The following NUCKS1 variants were observed in gnomAD, a reference collection of about 807,000 sequenced individuals.
NUCKS1 encodes the protein nuclear ubiquitous casein and cyclin-dependent kinase substrate 1.
In NUCKS1, 2 loss-of-function variants were observed where a neutral mutation model predicts 33.0. The ratio of observed to expected loss-of-function variants is 0.06; its 90% CI spans 0.02 to 0.19. The LOEUF (loss-of-function observed/expected upper bound fraction) is 0.19. NUCKS1 is among the 10% of genes least tolerant of loss of function. The probability of loss-of-function intolerance (pLI) is 1.00; values close to 1 mark genes in which losing one functional copy is unlikely to be tolerated. For synonymous variants in NUCKS1, 106 were observed against 102.8 expected (o/e 1.03, Z -0.19); for missense variants, 201 against 293.6 (o/e 0.68, Z 2.31).
intron 3 of NUCKS1, among the ~76,000 whole-genome samples, chr1:205,726,326 G>A (rs1013865259): frequency 6.6e-6 from 1 of 152,134 alleles, no homozygotes; most frequent in African/African-American, 2.4e-5. Flanking sequence ...AACTAGCCTG[G>A]GCAACATGGC....
At position 205,718,103 on chromosome 1, in the gene NUCKS1, AAG is replaced by A. The variant is rs1006263492; in HGVS notation, c.*175_*176del. 270 of 1,124,308 alleles carry A rather than the reference AAG, an allele frequency of 2.4e-4. No homozygotes were observed. The African/African-American group carries it at 2.7e-3, about 11-fold the overall frequency. The allele number at this position is 1,124,308 out of a possible 1,614,324, so 69.6% of individuals were successfully genotyped here. A position where few individuals can be genotyped will look rare whatever the true frequency, so the allele number is the denominator to read the frequency against. The stretch of plus-strand genomic sequence containing the variant: ...TTTGCTTTAAAAAAAAAAAAAAAAA[AAG>A]AGAGAGAGAGAGAAATGTTACTTTC... On this transcript the variant is annotated 3_prime_UTR_variant, in exon 7 of 7. Coordinates refer to ENST00000367142, the MANE Select transcript of NUCKS1 (RefSeq NM_022731.5).
intron 3 of NUCKS1, among the ~76,000 whole-genome samples, chr1:205,724,913 A>AT (rs1206274350): frequency 1.9e-4 from 29 of 152,248 alleles, no homozygotes; most frequent in African/African-American, 6.8e-4. Context: ...ACAAAGTAAA[A>AT]TAAGAAGTTA....
At chr1:205,726,225 A>C (rs1426366000) in intron 3 of NUCKS1, among the ~76,000 whole-genome samples, 3 of 151,994 alleles carry the variant, frequency 2.0e-5, no homozygotes, top group Non-Finnish European at 4.4e-5. Flanking sequence ...ACAAACAAAA[A>C]ACTGTTTTAG....
At chr1:205,734,395 A>G (rs1653985166) in intron 1 of NUCKS1, among the ~76,000 whole-genome samples, 1 of 152,222 alleles carries the variant, frequency 6.6e-6, no homozygotes, top group Admixed American at 6.5e-5. Flanking sequence ...AACAGCCAGA[A>G]TGATCTCATA....
At position 205,746,094 on chromosome 1, in the gene NUCKS1, G is replaced by A. The variant is rs191937470; in HGVS notation, c.17+3863C>T. Reference sequence around the variant, plus strand: ...GTGGATCGCCTGAGGTCAAGAGTTCGAGACCAGCCTGGCCAACATGGTGAA... The same window carrying A: ...GTGGATCGCCTGAGGTCAAGAGTTCAAGACCAGCCTGGCCAACATGGTGAA... On this transcript the variant is annotated intron_variant, in intron 1 of 6. Transcript: ENST00000367142. Among the ~76,000 whole-genome samples the A allele has an allele frequency of 2.3e-3, 349 of 152,136 alleles. 4 individuals carry two copies. The highest frequency in any genetic ancestry group is 1.6e-3 in the Non-Finnish European group (106 of 67,994).
intron 1 of NUCKS1, among the ~76,000 whole-genome samples, chr1:205,730,912 A>G (rs530587241): frequency 1.3e-5 from 2 of 152,364 alleles, no homozygotes; most frequent in Non-Finnish European, 2.9e-5. Flanking sequence ...TTTATAAGCT[A>G]AAGTTGTAAA....
In NUCKS1 at chr1:205,720,553, A is replaced by G; in HGVS notation, c.330T>C (p.Asp110=). ...CTTCTTGTTCTTCCTCACTGCCCAC[A>G]TCTTCCATGAGCATCTCTCTCTGTT... ...ASKQREMLME[D]VGSEEEQEEE... The change falls in exon 5 of 7, where the codon GAT becomes GAC. Residue 110 remains aspartate (D), a synonymous_variant. Transcript: ENST00000367142. The G allele has an allele frequency of 6.2e-7, 1 of 1,614,006 alleles. No individual in the cohort carries two copies. Among genetic ancestry groups the G allele is most frequent in the East Asian group, 2.2e-5 (1 of 44,892 alleles).
chr1:205,742,598 G>A (rs1343933977), intron 1 of NUCKS1, among the ~76,000 whole-genome samples: 1 of 152,330 alleles, frequency 6.6e-6, no homozygotes, highest in East Asian at 1.9e-4. Flanking sequence ...GCCGAGGTGG[G>A]CGGATCACAA....
chr1:205,735,064 C>T (rs1300146380), intron 1 of NUCKS1, among the ~76,000 whole-genome samples: 1 of 152,104 alleles, frequency 6.6e-6, no homozygotes, highest in Non-Finnish European at 1.5e-5. Flanking sequence ...GGACAGAAAT[C>T]CAGCATTTAA....
chr1:205,718,539 A>G (rs963304461), intron 6 of NUCKS1, 60 bp from the exon 7 acceptor site: 12 of 1,589,778 alleles, frequency 7.5e-6, no homozygotes, highest in Non-Finnish European at 1.0e-5. Context: ...AATAAAAGTC[A>G]GCTACAAAAT....
intron 5 of NUCKS1, 69 bp from the exon 6 acceptor site, chr1:205,719,745 G>A (rs1188337444): frequency 6.5e-7 from 1 of 1,528,734 alleles, no homozygotes; most frequent in South Asian, 1.3e-5. Context: ...AAGGAAGAGA[G>A]TGCTAAGAAT....
rs1018761635 is a variant in NUCKS1, at chr1:205,720,627, G to C, written c.256C>G (p.His86Asp). 1.2e-6 allele frequency: 2 copies of C among 1,613,794 alleles called. No individual in the cohort carries two copies. The highest frequency in any genetic ancestry group is 1.7e-6 in the Non-Finnish European group (2 of 1,179,962). Residue 86 changes from histidine (H) to aspartate (D), a missense_variant, in exon 5 of 7, where the codon CAT (histidine) becomes GAT (aspartate). By Grantham distance (81) the His-to-Asp change is moderately conservative (BLOSUM62 -1). Transcript: ENST00000367142. ...TGCCGTTGTTGGCGCACATTTTTAT[G>C]ATCTTCTTTTTCATCTTCACTATCC... ...AEDSEDEKEDHKNVRQQRQAA... is the reference protein window; with the variant it reads ...AEDSEDEKEDDKNVRQQRQAA...
chr1:205,721,157 T>C (rs754808109), intron 4 of NUCKS1, among the ~76,000 whole-genome samples: 41 of 152,084 alleles, frequency 2.7e-4, no homozygotes, highest in Admixed American at 1.2e-3. Context: ...GCATTAAAAA[T>C]TAGCTAATGC....
At position 205,719,672 on chromosome 1, in the gene NUCKS1, A is replaced by T; in HGVS notation, c.387T>A (p.Asp129Glu). The T allele has an allele frequency of 6.2e-7, 1 of 1,605,260 alleles. No homozygotes were observed. Among genetic ancestry groups the T allele is most frequent in the Non-Finnish European group, 8.5e-7 (1 of 1,177,868 alleles). Reference sequence around the variant, plus strand: ...TTAGGAAATCTTCATCGCTGCCGGAATCTTCTGAGAAGAAAGAAGAATTTC... The same window carrying T: ...TTAGGAAATCTTCATCGCTGCCGGATTCTTCTGAGAAGAAAGAAGAATTTC... ...EEDEAPFQEKDSGSDEDFLME... is the reference protein window; with the variant it reads ...EEDEAPFQEKESGSDEDFLME... Residue 129 changes from aspartate to glutamate, a missense_variant, in exon 6 of 7, where the codon GAT (aspartate) becomes GAA (glutamate). Transcript: ENST00000367142.
At chr1:205,720,674 T>C (rs774788400) in intron 4 of NUCKS1, 21 bp from the exon 5 acceptor site, 11 of 1,584,840 alleles carry the variant, frequency 6.9e-6, no homozygotes, top group Non-Finnish European at 9.4e-6. Flanking sequence ...AGAATTACCA[T>C]GATATAATGA....
chr1:205,732,500 G>T (rs1405923898), intron 1 of NUCKS1, among the ~76,000 whole-genome samples: 1 of 152,002 alleles, frequency 6.6e-6, no homozygotes, highest in Non-Finnish European at 1.5e-5. Flanking sequence ...TGGTTAACAT[G>T]GGCCGGGCAC....
At chr1:205,724,253 T>C (rs2102433127) in intron 3 of NUCKS1, among the ~76,000 whole-genome samples, 1 of 152,274 alleles carries the variant, frequency 6.6e-6, no homozygotes, top group Middle Eastern at 3.4e-3. Flanking sequence ...CACCTATGGA[T>C]AAAGCTTGGT....
At chr1:205,725,350 T>C (rs1653728583) in intron 3 of NUCKS1, among the ~76,000 whole-genome samples, 1 of 152,218 alleles carries the variant, frequency 6.6e-6, no homozygotes, top group South Asian at 2.1e-4. Context: ...GCAGGTCTTA[T>C]AAATCACTTT....
chr1:205,748,239 T>A (rs943452864), intron 1 of NUCKS1, among the ~76,000 whole-genome samples: 3 of 152,106 alleles, frequency 2.0e-5, no homozygotes, highest in African/African-American at 7.2e-5. Context: ...GAAAACAAAT[T>A]CAGGCAGATG....
Sources: allele counts gnomAD v4.1 joint callset (sites outside exome capture counted in the v4.1 genomes callset), GRCh38; gene constraint gnomAD v4.1.1; transcripts MANE v1.5; gene names NCBI Gene and HGNC (gene_info 2026-07-23, HGNC 2026-07-21).